The following CADPS2 variants were observed in gnomAD, a reference collection of about 807,000 sequenced individuals.
The protein encoded by CADPS2 is calcium-dependent secretion activator 2.
In CADPS2, 93 loss-of-function variants were observed where a neutral mutation model predicts 172.5. The ratio of observed to expected loss-of-function variants is 0.54; its 90% CI spans 0.46 to 0.64. CADPS2 has a LOEUF of 0.64. Among genes scored for constraint, CADPS2 ranks in the 30% least tolerant of loss-of-function variants. The pLI is 0.00. For missense variants in CADPS2, 1,420 were observed against 1,565.9 expected (o/e 0.91, Z 1.57); for synonymous variants, 546 against 555.2 (o/e 0.98, Z 0.23).
intron 1 of CADPS2, among the ~76,000 whole-genome samples, chr7:122,842,994 T>A (rs1446098524): frequency 6.6e-6 from 1 of 152,066 alleles, no homozygotes; most frequent in African/African-American, 2.4e-5. Flanking sequence ...AGGGCAGAAA[T>A]CAAAACAAAC....
chr7:122,587,367 T>C (rs1324981303), intron 6 of CADPS2, among the ~76,000 whole-genome samples: 7 of 152,092 alleles, frequency 4.6e-5, no homozygotes, highest in Non-Finnish European at 8.8e-5. Flanking sequence ...CATGTGGTGT[T>C]TGGTTTTCTG....
intron 6 of CADPS2, 26 bp downstream of exon 6, chr7:122,615,152 CAAT>C (rs750544731): frequency 3.0e-5 from 41 of 1,344,618 alleles, no homozygotes; most frequent in Non-Finnish European, 3.8e-5. Context: ...CAAACAACAA[CAAT>C]AATACACTTT....
chr7:122,691,950 T>A (rs1407585171), intron 2 of CADPS2, among the ~76,000 whole-genome samples: 1 of 152,196 alleles, frequency 6.6e-6, no homozygotes, highest in Non-Finnish European at 1.5e-5. Context: ...TAACCATTAA[T>A]AAACACAGCT....
chr7:122,355,542 A>G (rs1010525248), intron 27 of CADPS2, among the ~76,000 whole-genome samples: 1 of 151,782 alleles, frequency 6.6e-6, no homozygotes, highest in Admixed American at 6.6e-5. Flanking sequence ...AGATCAGGCC[A>G]CTGCACTCCA....
chr7:122,624,923 G>T (rs2075936282), intron 4 of CADPS2, among the ~76,000 whole-genome samples: 1 of 152,178 alleles, frequency 6.6e-6, no homozygotes, highest in Admixed American at 6.5e-5. Flanking sequence ...TGGAGAAAAA[G>T]TCTAGAAGGA....
intron 1 of CADPS2, among the ~76,000 whole-genome samples, chr7:122,825,837 A>T (rs895102504): frequency 6.6e-6 from 1 of 152,202 alleles, no homozygotes; most frequent in African/African-American, 2.4e-5. Flanking sequence ...GATACAATCC[A>T]TCTAACTAAT....
intron 8 of CADPS2, among the ~76,000 whole-genome samples, chr7:122,554,041 C>T (rs188794121): frequency 3.3e-4 from 50 of 152,248 alleles, no homozygotes; most frequent in Admixed American, 1.6e-3. Flanking sequence ...CTTCCCCAGG[C>T]AACAGTAGCA....
chr7:122,353,085 G>T (rs2038903263), intron 27 of CADPS2, among the ~76,000 whole-genome samples: 1 of 152,084 alleles, frequency 6.6e-6, no homozygotes, highest in Admixed American at 6.5e-5. Flanking sequence ...GGCAGCACAG[G>T]GATTATAGGT....
intron 1 of CADPS2, among the ~76,000 whole-genome samples, chr7:122,844,471 T>C (rs1286731725): frequency 1.3e-5 from 2 of 152,196 alleles, no homozygotes; most frequent in African/African-American, 4.8e-5. Context: ...TTATAAGAGT[T>C]TCCTTCTCAA....
intron 2 of CADPS2, among the ~76,000 whole-genome samples, chr7:122,704,062 T>C (rs756543545): frequency 3.9e-5 from 6 of 152,130 alleles, no homozygotes; most frequent in Non-Finnish European, 8.8e-5. Context: ...ATCTTCTATG[T>C]GCTCAGCATG....
intron 20 of CADPS2, among the ~76,000 whole-genome samples, chr7:122,399,570 T>A (rs2045615875): frequency 6.6e-6 from 1 of 151,552 alleles, no homozygotes; most frequent in Non-Finnish European, 1.5e-5. Context: ...CTTCTAATCT[T>A]TGAGTTAATG....
At chr7:122,605,303 T>C (rs1007137289) in intron 6 of CADPS2, among the ~76,000 whole-genome samples, 2 of 151,952 alleles carry the variant, frequency 1.3e-5, no homozygotes, top group African/African-American at 2.4e-5. Context: ...ACTGAACTAG[T>C]AAAAAAATTA....
rs1296021590 is a variant in CADPS2 at position 122,319,180 on chromosome 7, CATAGTA to C, written c.*979_*984del. ...TTCCTCTGCTATGGAAATATGCTGTCATAGTAATTCTTTTAACAATGTATGTGCCTA... is the reference window on the plus strand; with the variant it reads ...TTCCTCTGCTATGGAAATATGCTGTCATTCTTTTAACAATGTATGTGCCTA... On this transcript the variant is annotated 3_prime_UTR_variant, in exon 30 of 30. Transcript: ENST00000449022. 1 of 151,914 alleles carries C rather than the reference CATAGTA, an allele frequency of 6.6e-6. No homozygotes were observed. Among genetic ancestry groups the C allele is most frequent in the Non-Finnish European group, 1.5e-5 (1 of 67,922 alleles). The allele number at this position is 151,914 out of a possible 1,614,324, so 9.4% of individuals were successfully genotyped here.
In CADPS2 at chr7:122,600,390, G is replaced by A. The variant is rs141906082; in HGVS notation, c.1223+14791C>T. Reference sequence around the variant, plus strand: ...AAAACTGAGCCATGAAACAGTCATAGATATGCCCAAGAAAATGTTAATGAT... The same window carrying A: ...AAAACTGAGCCATGAAACAGTCATAAATATGCCCAAGAAAATGTTAATGAT... On this transcript the variant is annotated intron_variant, in intron 6 of 29. Coordinates refer to ENST00000449022, the MANE Select transcript of CADPS2 (RefSeq NM_017954.11). 3.5e-3 allele frequency among the ~76,000 whole-genome samples: 527 copies of A among 152,186 alleles called. 6 individuals carry two copies. Among genetic ancestry groups the A allele is most frequent in the African/African-American group, 0.012 (496 of 41,554 alleles).
chr7:122,843,600 G>C (rs1584861123), intron 1 of CADPS2, among the ~76,000 whole-genome samples: 1 of 152,314 alleles, frequency 6.6e-6, no homozygotes, highest in African/African-American at 2.4e-5. Context: ...TCTTTAGGAA[G>C]CTATGACATT....
Position 122,379,213 on chromosome 7 carries a change from T to C in CADPS2, c.3387+155A>G, listed in dbSNP as rs890841919. 1.8e-5 allele frequency: 9 copies of C among 503,154 alleles called. No individual in the cohort carries two copies. In the East Asian group the frequency reaches 2.0e-4, roughly 11 times the overall value. 31.2% of individuals were successfully genotyped at this position (503,154 alleles called of 1,614,324 possible). A position where few individuals can be genotyped will look rare whatever the true frequency, so the allele number is the denominator to read the frequency against. On this transcript the variant is annotated intron_variant, in intron 25 of 29. Transcript: ENST00000449022. ...AGCTGTTGACATAGTGTTCCTAACC[T>C]TTTTTTGCTCCCAACTTTTCTGAAA...
intron 1 of CADPS2, among the ~76,000 whole-genome samples, chr7:122,755,906 T>C (rs190298351): frequency 1.3e-5 from 2 of 152,328 alleles, no homozygotes; most frequent in Non-Finnish European, 2.9e-5. Flanking sequence ...TTTTCCTGGA[T>C]TCCACATTAA....
At position 122,485,074 on chromosome 7, in the gene CADPS2, A is replaced by G. The variant is rs2057671292; in HGVS notation, c.1853-4214T>C. 2.0e-5 allele frequency among the ~76,000 whole-genome samples: 3 copies of G among 152,192 alleles called. 1 individual carries two copies. The South Asian group carries it at 6.2e-4, about 31-fold the overall frequency. On this transcript the variant is annotated intron_variant, in intron 11 of 29. Transcript: ENST00000449022. ...TAAGATGGTAAACTTAATAAATGTT[A>G]TATGTGTTCTGACTGTTCCCCATCT...
intron 1 of CADPS2, among the ~76,000 whole-genome samples, chr7:122,780,784 T>A (rs889799495): frequency 6.6e-6 from 1 of 152,186 alleles, no homozygotes; most frequent in African/African-American, 2.4e-5. Context: ...TTAGCCGTTC[T>A]TTTAAGGGCT....
Sources: allele counts gnomAD v4.1 joint callset (sites outside exome capture counted in the v4.1 genomes callset), GRCh38; gene constraint gnomAD v4.1.1; transcripts MANE v1.5; gene names NCBI Gene and HGNC (gene_info 2026-07-23, HGNC 2026-07-21).